The following MINK1 variants were observed in gnomAD, a reference collection of about 807,000 sequenced individuals.
The protein encoded by MINK1 is misshapen like kinase 1, also known as misshapen-like kinase 1.
Under a neutral mutation model 178.4 loss-of-function variants are expected in MINK1, and 46 were observed. That is an observed-to-expected ratio of 0.26 (90% CI 0.20 to 0.33). The LOEUF (loss-of-function observed/expected upper bound fraction) is 0.33. Among genes scored for constraint, MINK1 ranks in the 10% least tolerant of loss-of-function variants. MINK1 has a pLI of 1.00. For missense variants in MINK1, 1,366 were observed against 1,814.9 expected (o/e 0.75, Z 4.49); for synonymous variants, 797 against 709.7 (o/e 1.12, Z -1.96).
intron 2 of MINK1, among the ~76,000 whole-genome samples, chr17:4,879,500 A>G (rs955629336): frequency 6.6e-6 from 1 of 152,190 alleles, no homozygotes; most frequent in Non-Finnish European, 1.5e-5. Context: ...TGTTGTTGCC[A>G]TGGGAATAGT....
Position 4,892,143 on chromosome 17 carries a change from C to G in MINK1, c.2002-6C>G. The G allele has an allele frequency of 6.3e-7, 1 of 1,589,266 alleles. No individual in the cohort carries two copies. Among genetic ancestry groups the G allele is most frequent in the Middle Eastern group, 1.7e-4 (1 of 6,026 alleles). On this transcript the variant is annotated splice_region_variant and splice_polypyrimidine_tract_variant and intron_variant, in intron 16 of 31. Transcript: ENST00000355280. ...CAGCTCGCAGCACGTGGACTTCTCT[C>G]CACAGGTGCCTCAGAGGACCTCATC...
intron 1 of MINK1, among the ~76,000 whole-genome samples, chr17:4,839,708 A>C (rs549847298): frequency 6.6e-6 from 1 of 152,218 alleles, no homozygotes; most frequent in Admixed American, 6.5e-5. Context: ...CTTTGTTCTT[A>C]CTAAGGGCGG....
rs1318584786 is a variant in MINK1 at position 4,897,595 on chromosome 17, T to A, written c.*308T>A. On this transcript the variant is annotated 3_prime_UTR_variant, in exon 32 of 32. Coordinates refer to ENST00000355280, the MANE Select transcript of MINK1 (RefSeq NM_153827.5). ...TTTTCTCCATTTGAGAGGAGAGTGCTTGGGGCTTGAACCCCTTACCCCACT... is the reference window on the plus strand; with the variant it reads ...TTTTCTCCATTTGAGAGGAGAGTGCATGGGGCTTGAACCCCTTACCCCACT... 2 of 318,252 alleles carry A rather than the reference T, an allele frequency of 6.3e-6. No homozygotes were observed. Among genetic ancestry groups the A allele is most frequent in the Non-Finnish European group, 1.2e-5 (2 of 170,208 alleles). The allele number at this position is 318,252 out of a possible 1,614,324, so 19.7% of individuals were successfully genotyped here.
chr17:4,883,790 G>A (rs1368693220), intron 4 of MINK1, among the ~76,000 whole-genome samples: 1 of 149,704 alleles, frequency 6.7e-6, no homozygotes, highest in Non-Finnish European at 1.5e-5. Flanking sequence ...CACCCACCTC[G>A]GCCTCCCAAA....
In MINK1 at chr17:4,890,606, GCAGCAGCAGCAA is replaced by G. The variant is rs1968693657; in HGVS notation, c.1449_1460del (p.Gln484_Gln487del). 3 of 1,562,904 alleles carry G rather than the reference GCAGCAGCAGCAA, an allele frequency of 1.9e-6. No homozygotes were observed. The highest frequency in any genetic ancestry group is 1.2e-5 in the South Asian group (1 of 84,752). ...AGGAGCATGCCTACCTCAAGTCCCTGCAGCAGCAGCAACAGCAGCAGCAGCTTCAGAAACAGC... is the reference window on the plus strand; with the variant it reads ...AGGAGCATGCCTACCTCAAGTCCCTGCAGCAGCAGCAGCTTCAGAAACAGC... On this transcript the variant is annotated inframe_deletion, in exon 14 of 32. Coordinates refer to ENST00000355280, the MANE Select transcript of MINK1 (RefSeq NM_153827.5).
At position 4,895,156 on chromosome 17, in the gene MINK1, C is replaced by T. The variant is rs764895752; in HGVS notation, c.2999C>T (p.Thr1000Ile). 6.2e-7 allele frequency: 1 copy of T among 1,614,068 alleles called. No homozygotes were observed. Among genetic ancestry groups the T allele is most frequent in the Non-Finnish European group, 8.5e-7 (1 of 1,180,016 alleles). The stretch of plus-strand genomic sequence containing the variant: ...GGTTCTGTGGTCAACGTGAATCCCA[C>T]CAACACCCGGGCCCACAGTGAGACC... ...RKGSVVNVNPTNTRAHSETPE... is the reference protein window; with the variant it reads ...RKGSVVNVNPINTRAHSETPE... Residue 1000 changes from threonine to isoleucine, a missense_variant, in exon 25 of 32, where the codon ACC becomes ATC. Around this residue, in one of 14 missense-constraint regions of MINK1, gnomAD observed 42 missense variants for 64.0 expected, o/e 0.66. Transcript: ENST00000355280. The surrounding 1 kb of genome is among the most constrained non-coding windows in gnomAD (Gnocchi z 4.3).
Position 4,894,866 on chromosome 17 carries a change from T to G in MINK1, c.2918-209T>G. On this transcript the variant is annotated intron_variant, in intron 24 of 31. Coordinates refer to ENST00000355280, the MANE Select transcript of MINK1 (RefSeq NM_153827.5). The surrounding 1 kb of genome is among the most constrained non-coding windows in gnomAD (Gnocchi z 4.1). ...GGGGACCTGGGCAAAGACTCAAAGC[T>G]AACAAGTGACAGAAATGGGACTTGA... The G allele has an allele frequency of 1.5e-6, 1 of 662,870 alleles. No homozygotes were observed. Among genetic ancestry groups the G allele is most frequent in the South Asian group, 1.9e-5 (1 of 51,592 alleles). 41.1% of individuals were successfully genotyped at this position (662,870 alleles called of 1,614,324 possible). A position where few individuals can be genotyped will look rare whatever the true frequency, so the allele number is the denominator to read the frequency against.
At chr17:4,878,555 C>T (rs1303029483) in intron 2 of MINK1, among the ~76,000 whole-genome samples, 173 bp downstream of exon 2, 1 of 152,130 alleles carries the variant, frequency 6.6e-6, no homozygotes, top group African/African-American at 2.4e-5. Flanking sequence ...GAAGGAGGTA[C>T]TGTTGATGCC....
At chr17:4,860,618 C>A (rs1330483489) in intron 1 of MINK1, 1 of 467,246 alleles carries the variant, frequency 2.1e-6, no homozygotes, top group Non-Finnish European at 4.3e-6. Context: ...AGAGCTGCAA[C>A]GGGCTCACAT....
At chr17:4,893,164 C>T (rs988435270) in intron 20 of MINK1, 97 bp downstream of exon 20, 41 of 1,510,640 alleles carry the variant, frequency 2.7e-5, no homozygotes, top group Admixed American at 5.7e-5. Context: ...GCTGATCTAC[C>T]GAGAAGGGCT....
At position 4,893,474 on chromosome 17, in the gene MINK1, C is replaced by G; in HGVS notation, c.2441C>G (p.Pro814Arg). The part of the protein sequence containing the change: ...LLKERTLDEA[P>R]RPPKKAMDYS... Reference sequence around the variant, plus strand: ...AAAGAGCGGACTCTGGACGAGGCCCCTCGGCCTCCCAAGAAGGCCATGGAC... The same window carrying G: ...AAAGAGCGGACTCTGGACGAGGCCCGTCGGCCTCCCAAGAAGGCCATGGAC... The change falls in exon 21 of 32, where the codon CCT becomes CGT. Residue 814 changes from proline (P) to arginine (R), a missense_variant. Pro to Arg is a moderately radical substitution (Grantham distance 103). Around this residue, in one of 14 missense-constraint regions of MINK1, gnomAD observed 709 missense variants for 692.3 expected, o/e 1.02. Transcript: ENST00000355280. The G allele has an allele frequency of 6.3e-7, 1 of 1,594,988 alleles. No homozygotes were observed. The highest frequency in any genetic ancestry group is 8.6e-7 in the Non-Finnish European group (1 of 1,165,150).
At position 4,894,171 on chromosome 17, in the gene MINK1, T is replaced by C; in HGVS notation, c.2671-3T>C. 6.2e-7 allele frequency: 1 copy of C among 1,613,522 alleles called. No individual in the cohort carries two copies. Among genetic ancestry groups the C allele is most frequent in the Non-Finnish European group, 8.5e-7 (1 of 1,179,778 alleles). On this transcript the variant is annotated splice_polypyrimidine_tract_variant and splice_region_variant and intron_variant, in intron 22 of 31. Coordinates refer to ENST00000355280, the MANE Select transcript of MINK1 (RefSeq NM_153827.5). The surrounding 1 kb of genome is among the most constrained non-coding windows in gnomAD (Gnocchi z 4.1). Reference sequence around the variant, plus strand: ...CACGCCAACCCTGCCCTCTGTCCTGTAGACCCCTGAAGAGGAGCGGAACCT... The same window carrying C: ...CACGCCAACCCTGCCCTCTGTCCTGCAGACCCCTGAAGAGGAGCGGAACCT...
In MINK1 at chr17:4,884,488, C is replaced by T; in HGVS notation, c.417+15C>T. On this transcript the variant is annotated intron_variant, in intron 5 of 31. Coordinates refer to ENST00000355280, the MANE Select transcript of MINK1 (RefSeq NM_153827.5). ...AGATCCTCAGGGTGAGCTCAAGGCC[C>T]CTCCCCTTGTCTTCTCCTCCGCTAC... is the stretch of plus-strand genomic sequence containing the variant. The T allele has an allele frequency of 1.9e-6, 3 of 1,583,166 alleles. No homozygotes were observed. In the South Asian group the frequency reaches 3.3e-5, roughly 18 times the overall value.
At chr17:4,845,948 G>A (rs764236658) in intron 1 of MINK1, among the ~76,000 whole-genome samples, 1 of 152,192 alleles carries the variant, frequency 6.6e-6, no homozygotes, top group Non-Finnish European at 1.5e-5. Flanking sequence ...GGCTGAGTTG[G>A]ATATTTTAGA....
intron 4 of MINK1, 84 bp downstream of exon 4, chr17:4,881,341 C>A (rs1189345997): frequency 5.7e-6 from 8 of 1,410,574 alleles, no homozygotes; most frequent in Non-Finnish European, 5.7e-6. Context: ...CAGTGCCCAG[C>A]ATCTCTCCTT....
intron 1 of MINK1, chr17:4,875,691 G>A (rs1317728522): frequency 2.9e-5 from 9 of 307,048 alleles, no homozygotes; most frequent in Middle Eastern, 1.2e-3. Context: ...AGAATCATTT[G>A]AACCCAGGAG....
rs1193296993 is a variant in MINK1, at chr17:4,893,013, C to T, written c.2346C>T (p.Ser782=). 2 of 1,578,356 alleles carry T rather than the reference C, an allele frequency of 1.3e-6. No individual in the cohort carries two copies. Among genetic ancestry groups the T allele is most frequent in the Non-Finnish European group, 1.7e-6 (2 of 1,164,404 alleles). The stretch of plus-strand genomic sequence containing the variant: ...AACCGGACAGCTCCCCTGTGCTCTC[C>T]CCTGGGAATAAAGCCAAGCCCGACG... The part of the protein sequence containing the change: ...SSKPDSSPVL[S]PGNKAKPDDH... The change falls in exon 20 of 32, where the codon TCC becomes TCT. Residue 782 remains serine (S), a synonymous_variant. Transcript: ENST00000355280.
chr17:4,859,464 T>C (rs893989248), intron 1 of MINK1: 3 of 308,742 alleles, frequency 9.7e-6, no homozygotes, highest in Non-Finnish European at 1.4e-5. Context: ...ACCCAGAAGG[T>C]AGAGCCAGGG....
chr17:4,866,419 A>G (rs535141427), intron 1 of MINK1, among the ~76,000 whole-genome samples: 2 of 151,854 alleles, frequency 1.3e-5, no homozygotes, highest in South Asian at 2.1e-4. Context: ...GGGAGCCGAG[A>G]TCGCGCCACT....
Sources: gnomAD v4.1 joint callset for allele counts (sites outside exome capture counted in the v4.1 genomes callset) on GRCh38, gnomAD v4.1.1 for gene constraint, gnomAD v4.1.1 regional missense constraint, Gnocchi (gnomAD v3.1) non-coding constraint, MANE v1.5 for transcripts, NCBI Gene and HGNC (gene_info 2026-07-23, HGNC 2026-07-21) for gene names.